ATXN7L1: variants seen among roughly 807,000 people sequenced by gnomAD.
ATXN7L1 encodes the protein ataxin 7 like 1, also known as ataxin-7-like protein 1.
In ATXN7L1, 15 loss-of-function variants were observed where a neutral mutation model predicts 70.8. The ratio of observed to expected loss-of-function variants is 0.21; its 90% CI spans 0.14 to 0.33. ATXN7L1 has a LOEUF of 0.33. Among genes scored for constraint, ATXN7L1 ranks in the 10% least tolerant of loss-of-function variants. ATXN7L1 has a pLI of 1.00. For missense variants in ATXN7L1, 975 were observed against 1,097.1 expected (o/e 0.89, Z 1.57); for synonymous variants, 440 against 445.1 (o/e 0.99, Z 0.14).
At position 105,705,172 on chromosome 7, in the gene ATXN7L1, C is replaced by T. The variant is rs137883555; in HGVS notation, c.356-39884G>A. On this transcript the variant is annotated intron_variant, in intron 3 of 11. Coordinates refer to ENST00000419735, the MANE Select transcript of ATXN7L1 (RefSeq NM_020725.2). ...CCCAAGTAGCTGGGATTTACAGGTGCGTGCCTCCACGCCTGCCTAATTATT... is the reference window on the plus strand; with the variant it reads ...CCCAAGTAGCTGGGATTTACAGGTGTGTGCCTCCACGCCTGCCTAATTATT... Among the ~76,000 whole-genome samples the T allele has an allele frequency of 1.6e-3, 247 of 151,898 alleles. 7 individuals are homozygous for T. The East Asian group carries it at 0.044, about 27-fold the overall frequency.
chr7:105,679,202 C>T (rs1790060), intron 3 of ATXN7L1: 140,732 of 942,368 alleles, frequency 0.15, 11,049 homozygotes, highest in South Asian at 0.32. Context: ...CACGCCCAGA[C>T]GAGATTAGGG....
chr7:105,613,113 C>A (rs373406118), intron 10 of ATXN7L1, among the ~76,000 whole-genome samples: 1 of 152,262 alleles, frequency 6.6e-6, no homozygotes, highest in South Asian at 2.1e-4. Context: ...TCCTAAGTAG[C>A]CCCCCAGCCG....
intron 2 of ATXN7L1, among the ~76,000 whole-genome samples, chr7:105,794,049 G>A (rs1359846033): frequency 7.0e-6 from 1 of 142,504 alleles, no homozygotes; most frequent in Admixed American, 7.4e-5. Flanking sequence ...TGGTGTACAC[G>A]CTGATATTTT....
intron 5 of ATXN7L1, among the ~76,000 whole-genome samples, chr7:105,641,207 TC>T: frequency 9.9e-6 from 1 of 100,608 alleles, no homozygotes; most frequent in African/African-American, 3.7e-5. Context: ...TCTCTCTCTC[TC>T]TCTCTCTTTT....
chr7:105,718,501 G>A (rs1794820179), intron 3 of ATXN7L1, among the ~76,000 whole-genome samples: 1 of 152,236 alleles, frequency 6.6e-6, no homozygotes, highest in African/African-American at 2.4e-5. Flanking sequence ...CAAAGAGGCA[G>A]GGTCATATCT....
chr7:105,866,661 G>T (rs1321189280), intron 2 of ATXN7L1, among the ~76,000 whole-genome samples: 1 of 152,304 alleles, frequency 6.6e-6, no homozygotes, highest in East Asian at 1.9e-4. Flanking sequence ...CAGCCAAACG[G>T]CATCAGCTGG....
chr7:105,758,737 T>C (rs972770876), intron 3 of ATXN7L1, among the ~76,000 whole-genome samples: 1 of 152,252 alleles, frequency 6.6e-6, no homozygotes, highest in Non-Finnish European at 1.5e-5. Context: ...CAGGGTAGAA[T>C]GTGCTGGTTC....
chr7:105,643,683 A>G lies in ATXN7L1; in HGVS notation c.579-562T>C, dbSNP rs116861846. On this transcript the variant is annotated intron_variant, in intron 4 of 11. Transcript: ENST00000419735. ...GTCGGACGGCTTCTGGATCACTCTC[A>G]CATCCTGGGGATGGGCTCAAATTGA... 3.3e-5 allele frequency among the ~76,000 whole-genome samples: 5 copies of G among 152,298 alleles called. No individual in the cohort carries two copies. The East Asian group carries it at 9.6e-4, about 29-fold the overall frequency.
intron 1 of ATXN7L1, 148 bp from the exon 2 acceptor site, chr7:105,876,028 AT>A: frequency 1.2e-6 from 1 of 817,482 alleles, no homozygotes; most frequent in Non-Finnish European, 1.9e-6. Context: ...ACAATGCAAC[AT>A]TTTCTCCCAA....
intron 2 of ATXN7L1, among the ~76,000 whole-genome samples, chr7:105,843,071 C>T (rs2116613793): frequency 6.6e-6 from 1 of 152,240 alleles, no homozygotes; most frequent in East Asian, 1.9e-4. Flanking sequence ...AAGGCGTGAG[C>T]TTGGTGCAGG....
At position 105,829,765 on chromosome 7, in the gene ATXN7L1, C is replaced by T. The variant is rs6964480; in HGVS notation, c.251-41057G>A. On this transcript the variant is annotated intron_variant, in intron 2 of 11. Coordinates refer to ENST00000419735, the MANE Select transcript of ATXN7L1 (RefSeq NM_020725.2). ...TATAAAACTTCCTTTTCAAACTGGC[C>T]AAAGACAGAGTATTGTTTACATTCC... Among the ~76,000 whole-genome samples, 1,269 of 152,244 alleles carry T rather than the reference C, an allele frequency of 8.3e-3. 18 individuals carry two copies. The highest frequency in any genetic ancestry group is 0.029 in the African/African-American group (1,208 of 41,530).
At position 105,875,897 on chromosome 7, in the gene ATXN7L1, A is replaced by C. The variant is rs778211013; in HGVS notation, c.182-17T>G. The C allele has an allele frequency of 2.7e-5, 43 of 1,610,138 alleles. No homozygotes were observed. The South Asian group carries it at 4.6e-4, about 17-fold the overall frequency. On this transcript the variant is annotated splice_polypyrimidine_tract_variant and intron_variant, in intron 1 of 11. Coordinates refer to ENST00000419735, the MANE Select transcript of ATXN7L1 (RefSeq NM_020725.2). ...AATCTACATCTGCAGATGAAAAAGA[A>C]AAGGAAAACAGAAAATAAGGAAAAA... is the stretch of plus-strand genomic sequence containing the variant.
chr7:105,861,547 T>C (rs1197998055), intron 2 of ATXN7L1, among the ~76,000 whole-genome samples: 2 of 151,378 alleles, frequency 1.3e-5, no homozygotes, highest in African/African-American at 4.9e-5. Context: ...TTGGGTCTAG[T>C]GGAGTCTGAG....
chr7:105,662,421 T>C (rs538015654), intron 4 of ATXN7L1, among the ~76,000 whole-genome samples: 2 of 152,290 alleles, frequency 1.3e-5, no homozygotes, highest in East Asian at 3.9e-4. Flanking sequence ...CTGCCCCTTT[T>C]TGCCCCTAGC....
At chr7:105,778,907 C>G (rs1237607888) in intron 3 of ATXN7L1, among the ~76,000 whole-genome samples, 1 of 152,218 alleles carries the variant, frequency 6.6e-6, no homozygotes, top group Non-Finnish European at 1.5e-5. Context: ...TCCCTTACCT[C>G]AAAATTGTGT....
intron 3 of ATXN7L1, among the ~76,000 whole-genome samples, chr7:105,761,923 G>C (rs953019397): frequency 6.6e-6 from 1 of 152,156 alleles, no homozygotes; most frequent in African/African-American, 2.4e-5. Flanking sequence ...AAAATCATCA[G>C]TAAGTTTGAT....
At chr7:105,783,331 A>G (rs2116468452) in intron 3 of ATXN7L1, among the ~76,000 whole-genome samples, 1 of 152,344 alleles carries the variant, frequency 6.6e-6, no homozygotes, top group South Asian at 2.1e-4. Context: ...TTCCTGAGTG[A>G]CAGGGGTGAT....
chr7:105,815,066 C>A (rs955737578), intron 2 of ATXN7L1, among the ~76,000 whole-genome samples: 2 of 152,208 alleles, frequency 1.3e-5, no homozygotes, highest in African/African-American at 4.8e-5. Flanking sequence ...ATTCCTCTAT[C>A]CCCATGTCAG....
rs141329241 is a variant in ATXN7L1 at position 105,756,299 on chromosome 7, C to T, written c.355+32305G>A. Among the ~76,000 whole-genome samples the T allele has an allele frequency of 6.1e-4, 93 of 152,196 alleles. 1 individual carries two copies. In the East Asian group the frequency reaches 0.017, roughly 28 times the overall value. On this transcript the variant is annotated intron_variant, in intron 3 of 11. Coordinates refer to ENST00000419735, the MANE Select transcript of ATXN7L1 (RefSeq NM_020725.2). The stretch of plus-strand genomic sequence containing the variant: ...CCATGTTCTTAAGGAGGGCACAACC[C>T]ACCATAATCACTTTCTCATGAGCAT...
Sources: gnomAD v4.1 joint callset for allele counts (sites outside exome capture counted in the v4.1 genomes callset) on GRCh38, gnomAD v4.1.1 for gene constraint, MANE v1.5 for transcripts, NCBI Gene and HGNC (gene_info 2026-07-23, HGNC 2026-07-21) for gene names.